The following RBFOX1 variants were observed in gnomAD, a reference collection of about 807,000 sequenced individuals.
The protein encoded by RBFOX1 is RNA binding fox-1 homolog 1.
A neutral mutation model predicts 57.7 loss-of-function variants in RBFOX1; 8 were observed. The ratio of observed to expected loss-of-function variants is 0.14; its 90% confidence interval spans 0.08 to 0.25. The LOEUF (loss-of-function observed/expected upper bound fraction) is 0.25, where lower values mean the gene tolerates loss of function less well. Among genes scored for constraint, RBFOX1 ranks in the 10% least tolerant of loss-of-function variants. The pLI, the probability that RBFOX1 is intolerant of heterozygous loss-of-function variation, is 1.00. For missense variants in RBFOX1, 611 were observed against 548.5 expected, an observed-to-expected ratio of 1.11 and a Z score of -1.14; for synonymous variants, 326 against 222.4, an observed-to-expected ratio of 1.47 and a Z score of -4.15.
intron 1 of RBFOX1, among the ~76,000 whole-genome samples, chr16:5,329,798 G>C (rs1287154370): frequency 6.6e-6 from 1 of 152,110 alleles, no homozygotes; most frequent in East Asian, 1.9e-4. Flanking sequence ...AGGAGATCGA[G>C]ACCATCCTGG....
intron 1 of RBFOX1, among the ~76,000 whole-genome samples, chr16:6,134,627 C>T (rs1168205860): frequency 3.3e-5 from 5 of 151,966 alleles, no homozygotes; most frequent in African/African-American, 4.8e-5. Flanking sequence ...AGGAGACTAA[C>T]CGTGAACTGT....
At chr16:5,331,097 G>T (rs13334198) in intron 1 of RBFOX1, among the ~76,000 whole-genome samples, 17,069 of 152,012 alleles carry the variant, frequency 0.11, 3,237 homozygotes, top group African/African-American at 0.39. Flanking sequence ...GGGGAGAGAG[G>T]GAGGTAAACC....
intron 3 of RBFOX1, among the ~76,000 whole-genome samples, chr16:5,669,382 C>G (rs2049946376): frequency 6.6e-6 from 1 of 150,812 alleles, no homozygotes; most frequent in African/African-American, 2.4e-5. Flanking sequence ...AGAAACCCAC[C>G]CGTAGAGCAG....
chr16:7,627,108 G>A (rs2060188059), intron 10 of RBFOX1, among the ~76,000 whole-genome samples: 1 of 145,028 alleles, frequency 6.9e-6, no homozygotes, highest in Non-Finnish European at 1.5e-5. Context: ...GAGGACAGGG[G>A]AAGCCCCTCC....
chr16:5,934,646 T>C (rs2059132277), intron 4 of RBFOX1, among the ~76,000 whole-genome samples: 1 of 152,230 alleles, frequency 6.6e-6, no homozygotes, highest in Admixed American at 6.5e-5. Context: ...AGATGATGGA[T>C]ATGCTGATTA....
At chr16:6,882,214 A>G (rs1031418949) in intron 3 of RBFOX1, among the ~76,000 whole-genome samples, 2 of 152,064 alleles carry the variant, frequency 1.3e-5, no homozygotes, top group Non-Finnish European at 2.9e-5. Flanking sequence ...ACACTGGGCA[A>G]TTTATTTGCA....
intron 1 of RBFOX1, among the ~76,000 whole-genome samples, chr16:6,293,277 C>T (rs1480214907): frequency 6.6e-6 from 1 of 152,170 alleles, no homozygotes; most frequent in Non-Finnish European, 1.5e-5. Context: ...TAAACCTAGA[C>T]ACTCTGGCTT....
chr16:7,191,109 C>T (rs1377932735), intron 4 of RBFOX1, among the ~76,000 whole-genome samples: 1 of 152,072 alleles, frequency 6.6e-6, no homozygotes, highest in Non-Finnish European at 1.5e-5. Flanking sequence ...ATTCCTAACC[C>T]AGAGGAAAAT....
chr16:5,858,964 C>T (rs530199793), intron 3 of RBFOX1, among the ~76,000 whole-genome samples: 1 of 152,312 alleles, frequency 6.6e-6, no homozygotes, highest in African/African-American at 2.4e-5. Context: ...CCTGTAATCC[C>T]AGCCCTTTGG....
At chr16:6,619,258 C>T (rs927755704) in intron 2 of RBFOX1, among the ~76,000 whole-genome samples, 2 of 152,028 alleles carry the variant, frequency 1.3e-5, no homozygotes, top group Non-Finnish European at 2.9e-5. Flanking sequence ...TGCCAAACAA[C>T]TCTAATAATT....
At chr16:6,711,099 C>T (rs755817300) in intron 3 of RBFOX1, among the ~76,000 whole-genome samples, 19 of 152,162 alleles carry the variant, frequency 1.2e-4, no homozygotes, top group Non-Finnish European at 2.2e-4. Flanking sequence ...ACTTCTGTTT[C>T]TCAAATATCA....
intron 2 of RBFOX1, among the ~76,000 whole-genome samples, chr16:5,494,949 C>T (rs1293800726): frequency 6.6e-6 from 1 of 152,170 alleles, no homozygotes; most frequent in African/African-American, 2.4e-5. Flanking sequence ...AGGAATAATA[C>T]AGCGTGGTCG....
chr16:6,022,353 T>A (rs1182955770), intron 1 of RBFOX1, among the ~76,000 whole-genome samples: 1 of 152,130 alleles, frequency 6.6e-6, no homozygotes, highest in Non-Finnish European at 1.5e-5. Context: ...TCATTCCTCC[T>A]GGGATTCACA....
intron 5 of RBFOX1, among the ~76,000 whole-genome samples, chr16:7,540,230 T>C (rs2082562780): frequency 6.6e-6 from 1 of 152,240 alleles, no homozygotes; most frequent in South Asian, 2.1e-4. Flanking sequence ...CCATTTTGTT[T>C]TCTCCAGATC....
chr16:5,558,029 G>A (rs1173192583), intron 2 of RBFOX1, among the ~76,000 whole-genome samples: 2 of 152,094 alleles, frequency 1.3e-5, no homozygotes, highest in Admixed American at 6.5e-5. Context: ...CCAACTCCGG[G>A]GGAGGACTGC....
chr16:7,450,343 G>T (rs1000109109), intron 4 of RBFOX1, among the ~76,000 whole-genome samples: 1 of 122,620 alleles, frequency 8.2e-6, no homozygotes, highest in Non-Finnish European at 1.6e-5. Context: ...GCAGTGAGCC[G>T]CAATCGCGCC....
At chr16:6,897,650 G>A (rs1168039271) in intron 3 of RBFOX1, among the ~76,000 whole-genome samples, 1 of 151,944 alleles carries the variant, frequency 6.6e-6, no homozygotes, top group African/African-American at 2.4e-5. Context: ...AAAATTAGCT[G>A]GGCTTGGTGG....
intron 3 of RBFOX1, among the ~76,000 whole-genome samples, chr16:6,895,752 G>A (rs1009515521): frequency 2.0e-5 from 3 of 151,886 alleles, no homozygotes; most frequent in Non-Finnish European, 4.4e-5. Context: ...TCAACAGTGA[G>A]GAATGAGCCC....
At chr16:5,436,309 G>A (rs1242229412) in intron 1 of RBFOX1, among the ~76,000 whole-genome samples, 2 of 152,188 alleles carry the variant, frequency 1.3e-5, no homozygotes, top group African/African-American at 2.4e-5. Flanking sequence ...TTGGTTCCAA[G>A]TTGTGGGCAC....
Sources: gnomAD v4.1 joint callset for allele counts (sites outside exome capture counted in the v4.1 genomes callset) on GRCh38, gnomAD v4.1.1 for gene constraint, MANE v1.5 for transcripts, NCBI Gene and HGNC (gene_info 2026-07-23, HGNC 2026-07-21) for gene names.